Variants in IQGAP2 observed in about 807,000 individuals in gnomAD.
IQGAP2 encodes the protein IQ motif containing GTPase activating protein 2.
In IQGAP2, 173 loss-of-function variants were observed where a neutral mutation model predicts 201.3. The observed-to-expected ratio is 0.86, with a 90% confidence interval of 0.76 to 0.98. The LOEUF is 0.98. IQGAP2 is among the 50% of genes least tolerant of loss of function. The pLI, the probability that IQGAP2 is intolerant of heterozygous loss-of-function variation, is 0.00. For missense variants in IQGAP2, 1,687 were observed against 1,864.8 expected (o/e 0.90, Z 1.76); for synonymous variants, 675 against 673.9 (o/e 1.00, Z -0.03).
intron 1 of IQGAP2, among the ~76,000 whole-genome samples, chr5:76,407,894 G>A (rs1024067114): frequency 5.3e-5 from 8 of 152,236 alleles, no homozygotes; most frequent in Non-Finnish European, 1.0e-4. Context: ...ACTTTGGGAA[G>A]CCAAGGCGGG....
chr5:76,463,503 G>T (rs1754605771), intron 2 of IQGAP2, among the ~76,000 whole-genome samples: 1 of 152,204 alleles, frequency 6.6e-6, no homozygotes, highest in South Asian at 2.1e-4. Context: ...TAAAGAAGGT[G>T]AAAGTATTCT....
At chr5:76,553,273 T>C (rs1298845862) in intron 2 of IQGAP2, among the ~76,000 whole-genome samples, 1 of 152,260 alleles carries the variant, frequency 6.6e-6, no homozygotes, top group Non-Finnish European at 1.5e-5. Flanking sequence ...GATATTCTTA[T>C]ATTCTTTTAG....
At chr5:76,504,948 A>G (rs982351261) in intron 2 of IQGAP2, among the ~76,000 whole-genome samples, 1 of 152,026 alleles carries the variant, frequency 6.6e-6, no homozygotes, top group Non-Finnish European at 1.5e-5. Flanking sequence ...CTCCCCTTAG[A>G]GGCCTTACAC....
chr5:76,695,410 T>C, intron 31 of IQGAP2, 44 bp from the exon 32 acceptor site: 1 of 1,521,212 alleles, frequency 6.6e-7, no homozygotes, highest in Non-Finnish European at 9.1e-7. Flanking sequence ...ACTGTGAAAT[T>C]AGGGGATCAG....
intron 30 of IQGAP2, among the ~76,000 whole-genome samples, chr5:76,684,643 T>C (rs575625550): frequency 6.6e-6 from 1 of 152,266 alleles, no homozygotes; most frequent in East Asian, 1.9e-4. Flanking sequence ...CAGTTATGTA[T>C]TGGGGTGAGA....
chr5:76,547,448 TTAAG>T (rs1358904217), intron 2 of IQGAP2: 7 of 978,744 alleles, frequency 7.2e-6, no homozygotes, highest in East Asian at 1.1e-4. Context: ...TTGTGGCAAT[TTAAG>T]TAAGTTTACA....
intron 2 of IQGAP2, among the ~76,000 whole-genome samples, chr5:76,520,745 G>A (rs543684850): frequency 1.7e-5 from 2 of 118,156 alleles, no homozygotes; most frequent in African/African-American, 6.7e-5. Context: ...ACTCTGTCAC[G>A]CAGGCTGGAG....
chr5:76,551,540 G>C (rs1381658652), intron 2 of IQGAP2, among the ~76,000 whole-genome samples: 2 of 152,064 alleles, frequency 1.3e-5, no homozygotes, highest in African/African-American at 4.8e-5. Flanking sequence ...CCGAGATCAC[G>C]TCACTGCACT....
chr5:76,431,854 T>G (rs1276363698), intron 1 of IQGAP2, among the ~76,000 whole-genome samples: 1 of 151,624 alleles, frequency 6.6e-6, no homozygotes, highest in Non-Finnish European at 1.5e-5. Context: ...AGTCTTACTG[T>G]TTTTTGTTCC....
chr5:76,605,389 C>T (rs1747733123), intron 11 of IQGAP2, among the ~76,000 whole-genome samples: 1 of 152,064 alleles, frequency 6.6e-6, no homozygotes, highest in Non-Finnish European at 1.5e-5. Context: ...GAGACAGAGT[C>T]TCCCTGTGTT....
At chr5:76,684,438 G>A (rs1745562262) in intron 30 of IQGAP2, among the ~76,000 whole-genome samples, 1 of 152,118 alleles carries the variant, frequency 6.6e-6, no homozygotes, top group Admixed American at 6.5e-5. Flanking sequence ...TTCAAGTGAA[G>A]CATTCACACT....
At chr5:76,498,155 A>C (rs536495915) in intron 2 of IQGAP2, among the ~76,000 whole-genome samples, 1 of 152,240 alleles carries the variant, frequency 6.6e-6, no homozygotes, top group Non-Finnish European at 1.5e-5. Flanking sequence ...GTGATTGTGC[A>C]TGACATACAT....
chr5:76,654,409 T>A, intron 19 of IQGAP2, 138 bp downstream of exon 19: 1 of 572,350 alleles, frequency 1.7e-6, no homozygotes, highest in Non-Finnish European at 3.0e-6. Context: ...GAACTTCATA[T>A]GATAATATTT....
intron 15 of IQGAP2, among the ~76,000 whole-genome samples, chr5:76,635,445 C>T (rs1751047649): frequency 6.6e-6 from 1 of 152,170 alleles, no homozygotes; most frequent in Non-Finnish European, 1.5e-5. Flanking sequence ...AACATTTTCA[C>T]CAGCTTTGCT....
chr5:76,702,512 T>C lies in IQGAP2; in HGVS notation c.4536T>C (p.Ala1512=), dbSNP rs1403831246. Residue 1512 remains alanine, a synonymous_variant, in exon 35 of 36, where the codon GCT becomes GCC. Coordinates refer to ENST00000274364, the MANE Select transcript of IQGAP2 (RefSeq NM_006633.5). ...QFKNVTFDII[A]TEDVGIFDVR... is the part of the protein sequence containing the mutation. ...AGAATGTTACATTTGATATCATAGC[T>C]ACTGAAGATGTAGGCATTTTCGATG... The C allele has an allele frequency of 1.0e-5, 16 of 1,579,212 alleles. No homozygotes were observed. Among genetic ancestry groups the C allele is most frequent in the Non-Finnish European group, 1.4e-5 (16 of 1,148,328 alleles).
intron 14 of IQGAP2, chr5:76,628,873 A>G: frequency 3.1e-6 from 1 of 319,858 alleles, no homozygotes; most frequent in South Asian, 2.6e-5. Context: ...TTCAACTTAA[A>G]TATAAAACTG....
At chr5:76,434,808 T>G (rs568115331) in intron 1 of IQGAP2, among the ~76,000 whole-genome samples, 1 of 152,210 alleles carries the variant, frequency 6.6e-6, no homozygotes, top group African/African-American at 2.4e-5. Flanking sequence ...TTGTACTAAT[T>G]TACATTCTCA....
chr5:76,618,292 CT>C, intron 13 of IQGAP2: 1 of 1,614,206 alleles, frequency 6.2e-7, no homozygotes, highest in Non-Finnish European at 8.5e-7. Context: ...AAAAGAAAAT[CT>C]GCAATGGCCA....
chr5:76,577,024 A>G (rs1349984142), intron 5 of IQGAP2, among the ~76,000 whole-genome samples: 1 of 152,212 alleles, frequency 6.6e-6, no homozygotes. Context: ...GAATGATAAC[A>G]CTATAGTTAG....
Sources: gnomAD v4.1 joint callset for allele counts (sites outside exome capture counted in the v4.1 genomes callset) on GRCh38, gnomAD v4.1.1 for gene constraint, MANE v1.5 for transcripts, NCBI Gene and HGNC (gene_info 2026-07-23, HGNC 2026-07-21) for gene names.